The following HSP90AA1 variants were observed in gnomAD, a reference collection of about 807,000 sequenced individuals.
The protein encoded by HSP90AA1 is heat shock protein HSP 90-alpha.
Under a neutral mutation model 73.3 loss-of-function variants are expected in HSP90AA1, and 18 were observed. That is an observed-to-expected ratio of 0.25 (90% CI 0.17 to 0.36). The LOEUF is 0.36. HSP90AA1 is among the 10% of genes least tolerant of loss of function. HSP90AA1 has a pLI of 1.00. For missense variants in HSP90AA1, 704 were observed against 874.2 expected (o/e 0.81, Z 2.45); for synonymous variants, 477 against 296.9 (o/e 1.61, Z -6.24).
chr14:102,106,929 C>T (rs2049576708), intron 1 of HSP90AA1, among the ~76,000 whole-genome samples: 4 of 151,830 alleles, frequency 2.6e-5, no homozygotes, highest in South Asian at 2.1e-4. Flanking sequence ...TGACACAATC[C>T]TGAAAAATAC....
At chr14:102,083,730 A>C (rs1566718811) in intron 7 of HSP90AA1, 37 bp from the exon 8 acceptor site, 4 of 1,491,712 alleles carry the variant, frequency 2.7e-6, no homozygotes, top group Non-Finnish European at 2.8e-6. Flanking sequence ...GACTTTCTGA[A>C]TTAAAAAAAA....
Position 102,086,126 on chromosome 14 carries a change from T to G in HSP90AA1, c.163-2A>C. ...TTCATACCGGATTTTGTCCAATGCC[T>G]GTTAACAAAAAATATTAATTTAAGC... is the stretch of plus-strand genomic sequence containing the variant. On this transcript the variant is annotated splice_acceptor_variant, in intron 2 of 10. Transcript: ENST00000216281. LOFTEE classifies it high-confidence loss of function. 1 of 1,614,140 alleles carries G rather than the reference T, an allele frequency of 6.2e-7. No homozygotes were observed. Among genetic ancestry groups the G allele is most frequent in the Non-Finnish European group, 8.5e-7 (1 of 1,180,002 alleles).
chr14:102,139,293 G>A (rs1595692947), exon 1 of HSP90AA1: 1 of 1,614,020 alleles, frequency 6.2e-7, no homozygotes, highest in African/African-American at 1.3e-5. Context: ...GGGCTTCCTG[G>A]GCGGGGATCC....
upstream of HSP90AA1, among the ~76,000 whole-genome samples, chr14:102,087,650 C>T (rs1196474990): frequency 2.6e-5 from 4 of 152,194 alleles, no homozygotes; most frequent in South Asian, 4.1e-4. Context: ...GGCTGTTAGC[C>T]TCAGGCTGCT....
At chr14:102,086,904 C>A in intron 1 of HSP90AA1, 82 bp downstream of exon 1, 1 of 816,798 alleles carries the variant, frequency 1.2e-6, no homozygotes. Context: ...CTGGTCCGGC[C>A]CCCACAGCCT....
chr14:102,087,263 T>C (rs2049267996), upstream of HSP90AA1: 2 of 548,778 alleles, frequency 3.6e-6, no homozygotes, highest in Admixed American at 6.6e-5. Context: ...CTTCCCTCAA[T>C]CGCCGCCGCG....
chr14:102,086,085 T>G lies in HSP90AA1; in HGVS notation c.202A>C (p.Ser68Arg). The change falls in exon 3 of 11, where the codon AGT (serine) becomes CGT (arginine). Residue 68 changes from serine to arginine, a missense_variant. Physicochemically the swap from Ser to Arg is moderately radical, Grantham distance 110. Transcript: ENST00000216281. The stretch of plus-strand genomic sequence containing the variant: ...AGCTCTTTCCCAGAGTCTAATTTAC[T>G]GGGATCTGTCAAGCTTTCATACCGG... ...KIRYESLTDP[S>R]KLDSGKELHI... is the part of the protein sequence containing the mutation. The G allele has an allele frequency of 6.2e-7, 1 of 1,614,026 alleles. No homozygotes were observed. Among genetic ancestry groups the G allele is most frequent in the Non-Finnish European group, 8.5e-7 (1 of 1,179,902 alleles).
At chr14:102,130,448 G>C (rs1323367193) in intron 1 of HSP90AA1, among the ~76,000 whole-genome samples, 1 of 152,088 alleles carries the variant, frequency 6.6e-6, no homozygotes, top group East Asian at 1.9e-4. Context: ...ACCAACACTT[G>C]TTATTGTTTA....
chr14:102,123,806 T>G (rs1213778108), intron 1 of HSP90AA1, among the ~76,000 whole-genome samples: 2 of 151,852 alleles, frequency 1.3e-5, no homozygotes, highest in East Asian at 3.9e-4. Flanking sequence ...AGCAACCGTG[T>G]TTTTTTTAAT....
upstream of HSP90AA1, among the ~76,000 whole-genome samples, chr14:102,092,007 A>G (rs2049364971): frequency 6.6e-6 from 1 of 151,110 alleles, no homozygotes; most frequent in African/African-American, 2.4e-5. Flanking sequence ...TTCTTGACTC[A>G]TGGGTTATTT....
intron 6 of HSP90AA1, 90 bp downstream of exon 6, chr14:102,084,309 G>C: frequency 8.0e-7 from 1 of 1,253,232 alleles, no homozygotes; most frequent in Non-Finnish European, 1.2e-6. Context: ...GCCTCCCAAA[G>C]TGCTAGGATT....
chr14:102,086,483 G>A (rs756835017), intron 1 of HSP90AA1, 105 bp from the exon 2 acceptor site: 19 of 1,359,086 alleles, frequency 1.4e-5, no homozygotes, highest in Middle Eastern at 1.8e-4. Context: ...TTGGAGATTT[G>A]CGAAGTTTAA....
chr14:102,087,951 C>CTTT (rs71116878), upstream of HSP90AA1, among the ~76,000 whole-genome samples: 75 of 92,998 alleles, frequency 8.1e-4, no homozygotes, highest in African/African-American at 3.0e-3. Context: ...TTTTTTTTTT[C>CTTT]TTTTTTTTTT....
At chr14:102,085,693 G>C (rs35241778) in intron 3 of HSP90AA1, 65 bp downstream of exon 3, 3 of 1,606,794 alleles carry the variant, frequency 1.9e-6, no homozygotes, top group Non-Finnish European at 2.6e-6. Context: ...ATCCCCAGGG[G>C]TCCAAGGGTT....
intron 3 of HSP90AA1, 57 bp from the exon 4 acceptor site, chr14:102,085,488 T>C: frequency 3.4e-6 from 5 of 1,487,972 alleles, no homozygotes; most frequent in East Asian, 2.3e-5. Flanking sequence ...CTCAACGCCA[T>C]GCCTAACACC....
rs55980776 is a variant in HSP90AA1 at position 102,081,502 on chromosome 14, A to C, written c.*210T>G. On this transcript the variant is annotated 3_prime_UTR_variant, in exon 11 of 11. Transcript: ENST00000216281. The stretch of plus-strand genomic sequence containing the variant: ...CCCCAATCTGTGAAAATAAACCAAC[A>C]TGAAACTCAAAAAGCATTACTAGCT... 3 of 598,314 alleles carry C rather than the reference A, an allele frequency of 5.0e-6. No individual in the cohort carries two copies. The African/African-American group carries it at 5.6e-5, about 11-fold the overall frequency. The allele number at this position is 598,314 out of a possible 1,614,324, so 37.1% of individuals were successfully genotyped here.
intron 2 of HSP90AA1, among the ~76,000 whole-genome samples, chr14:102,096,452 C>T (rs1238892910): frequency 6.6e-6 from 1 of 152,150 alleles, no homozygotes; most frequent in African/African-American, 2.4e-5. Context: ...ACGGTCTGCC[C>T]CCGATCATCT....
chr14:102,139,229 A>C (rs1337424236), intron 1 of HSP90AA1: 1 of 1,613,786 alleles, frequency 6.2e-7, no homozygotes, highest in Non-Finnish European at 8.5e-7. Context: ...AGTGAAGCGT[A>C]AATCTTGAGT....
chr14:102,121,599 C>T (rs1449121305), intron 1 of HSP90AA1, among the ~76,000 whole-genome samples: 1 of 152,206 alleles, frequency 6.6e-6, no homozygotes, highest in African/African-American at 2.4e-5. Flanking sequence ...CTTGTGCCAA[C>T]ATTAACATCT....
Sources: gnomAD v4.1 joint callset for allele counts (sites outside exome capture counted in the v4.1 genomes callset) on GRCh38, gnomAD v4.1.1 for gene constraint, MANE v1.5 for transcripts, NCBI Gene and HGNC (gene_info 2026-07-23, HGNC 2026-07-21) for gene names.